TAF1: variants seen among roughly 807,000 people sequenced by gnomAD.
The protein encoded by TAF1 is transcription initiation factor TFIID subunit 1.
Under a neutral mutation model 138.5 loss-of-function variants are expected in TAF1, and 2 were observed. The observed-to-expected ratio is 0.01, with a 90% CI of 0.01 to 0.05. TAF1 has a LOEUF of 0.05. TAF1 is among the 10% of genes least tolerant of loss of function. TAF1 has a pLI of 1.00. For missense variants in TAF1, 709 were observed against 1,478.0 expected (o/e 0.48, Z 8.53); for synonymous variants, 437 against 503.2 (o/e 0.87, Z 1.76).
chrX:71,402,564 C>T (rs1009702657), intron 25 of TAF1, among the ~76,000 whole-genome samples: 2 of 112,155 alleles, frequency 1.8e-5, no homozygotes, highest in Admixed American at 1.9e-4. Context: ...AAAGGACCAT[C>T]CCAAAAGATG....
chrX:71,469,368 CT>C (rs773604575), downstream of TAF1, among the ~76,000 whole-genome samples: 425 of 111,242 alleles, frequency 3.8e-3, 5 homozygotes, highest in Middle Eastern at 9.2e-3. Flanking sequence ...AGTATGACCA[CT>C]TTTTTTGTTA....
Position 71,392,675 on chromosome X carries a change from G to C in TAF1, c.2888G>C (p.Gly963Ala). ...GVADPTGCGE[G>A]FSYVKIPNKP... ...GCAGATCCCACGGGGTGTGGTGAAG[G>C]ATTCTCCTATGTGAAGATTCCAAAC... is the stretch of plus-strand genomic sequence containing the variant. Residue 963 changes from glycine (G) to alanine (A), a missense_variant, in exon 19 of 38, where the codon GGA becomes GCA. By Grantham distance (60) the Gly-to-Ala change is moderately conservative. Coordinates refer to ENST00000423759, the MANE Select transcript of TAF1 (RefSeq NM_004606.5). 8.3e-7 allele frequency: 1 copy of C among 1,207,830 alleles called. No individual in the cohort carries two copies. Among genetic ancestry groups the C allele is most frequent in the African/African-American group, 1.7e-5 (1 of 57,613 alleles).
intron 13 of TAF1, among the ~76,000 whole-genome samples, chrX:71,517,509 C>T (rs2039845719): frequency 9.0e-6 from 1 of 111,473 alleles, no homozygotes; most frequent in Non-Finnish European, 1.9e-5. Flanking sequence ...AAAAACAAAA[C>T]AAGACAAGGA....
intron 28 of TAF1, 35 bp downstream of exon 28, chrX:71,408,186 C>T (rs1305262615): frequency 8.3e-7 from 1 of 1,198,287 alleles, no homozygotes; most frequent in Non-Finnish European, 1.1e-6. Context: ...GCAAAGGTCA[C>T]TGTTCAGATC....
intron 33 of TAF1, 108 bp from the exon 34 acceptor site, chrX:71,454,633 C>A: frequency 3.2e-6 from 2 of 633,379 alleles, no homozygotes; most frequent in Non-Finnish European, 4.8e-6. Flanking sequence ...TGTGTCCTGC[C>A]ACTAGAATAT....
At chrX:71,459,740 T>C (rs1602751208) in intron 36 of TAF1, 32 bp downstream of exon 36, 1 of 1,206,083 alleles carries the variant, frequency 8.3e-7, no homozygotes. Context: ...TATTCCTTTA[T>C]AACTCACTAC....
chrX:71,508,452 A>G (rs969538669), intron 13 of TAF1, among the ~76,000 whole-genome samples: 15 of 106,925 alleles, frequency 1.4e-4, no homozygotes, highest in African/African-American at 4.8e-4. Context: ...TGATAATAAC[A>G]AAATTAGCTT....
chrX:71,458,063 A>G (rs1487407163), intron 34 of TAF1, among the ~76,000 whole-genome samples, 178 bp from the exon 35 acceptor site: 1 of 112,866 alleles, frequency 8.9e-6, no homozygotes, highest in Non-Finnish European at 1.9e-5. Flanking sequence ...GTCTACTAGA[A>G]TAGGCAACAT....
At chrX:71,417,806 T>C (rs1429193747) in intron 28 of TAF1, among the ~76,000 whole-genome samples, 3 of 111,827 alleles carry the variant, frequency 2.7e-5, no homozygotes, top group African/African-American at 9.7e-5. Context: ...CATCTGTATC[T>C]CATATGCAGC....
At chrX:71,453,054 A>ACGG (rs1569365305) in intron 32 of TAF1, among the ~76,000 whole-genome samples, 1 of 110,507 alleles carries the variant, frequency 9.0e-6, no homozygotes, top group Non-Finnish European at 1.9e-5. Context: ...GACCGTGGAA[A>ACGG]GAGAGGGAGA....
At position 71,366,380 on chromosome X, in the gene TAF1, A is replaced by G; in HGVS notation, c.6A>G (p.Ser2=). The change falls in exon 1 of 38, where the codon TCA becomes TCG. Residue 2 remains serine, a synonymous_variant. Coordinates refer to ENST00000423759, the MANE Select transcript of TAF1 (RefSeq NM_004606.5). The part of the protein sequence containing the change: M[S]DTDSDEDSAG... ...CCATCACTGCTGCCGCCATCATGTC[A>G]GACACGGACAGCGACGAAGATTCCG... 8.3e-7 allele frequency: 1 copy of G among 1,210,742 alleles called. No homozygotes were observed. Among genetic ancestry groups the G allele is most frequent in the Non-Finnish European group, 1.1e-6 (1 of 895,322 alleles).
chrX:71,467,086 CTTTTTTT>C (rs756449044), downstream of TAF1, among the ~76,000 whole-genome samples: 1 of 65,316 alleles, frequency 1.5e-5, no homozygotes, highest in African/African-American at 5.7e-5. Flanking sequence ...GGAGGGCATT[CTTTTTTT>C]TTTTTTTTTT....
intron 8 of TAF1, among the ~76,000 whole-genome samples, chrX:71,380,490 T>A (rs1212669192): frequency 9.0e-6 from 1 of 111,163 alleles, no homozygotes; most frequent in African/African-American, 3.3e-5. Flanking sequence ...GCTGGACTCC[T>A]GGGCTCAGGT....
At chrX:71,457,748 C>T (rs2038370132) in intron 34 of TAF1, among the ~76,000 whole-genome samples, 1 of 112,250 alleles carries the variant, frequency 8.9e-6, no homozygotes, top group African/African-American at 3.2e-5. Context: ...AAACCCAGGA[C>T]ATTTTACTCC....
intron 32 of TAF1, among the ~76,000 whole-genome samples, chrX:71,429,353 A>G (rs1238744014): frequency 9.0e-6 from 1 of 111,302 alleles, no homozygotes; most frequent in African/African-American, 3.3e-5. Flanking sequence ...AATGATGATG[A>G]TAATAACTAC....
chrX:71,431,715 G>A (rs1325285639), intron 32 of TAF1, among the ~76,000 whole-genome samples: 1 of 110,526 alleles, frequency 9.0e-6, no homozygotes, highest in Non-Finnish European at 1.9e-5. Flanking sequence ...AAGAGATCGA[G>A]ACCATCCTGG....
chrX:71,450,731 A>G (rs910874044), intron 32 of TAF1, among the ~76,000 whole-genome samples: 5 of 112,375 alleles, frequency 4.4e-5, no homozygotes, highest in African/African-American at 1.3e-4. Context: ...TATCTCACTC[A>G]TTTCTATCAT....
intron 35 of TAF1, among the ~76,000 whole-genome samples, chrX:71,458,915 A>G (rs911390399): frequency 1.8e-5 from 2 of 111,124 alleles, no homozygotes; most frequent in Non-Finnish European, 3.8e-5. Context: ...TCTCTTTGTA[A>G]TAATACAGTA....
intron 37 of TAF1, among the ~76,000 whole-genome samples, chrX:71,462,700 A>G (rs978596420): frequency 8.0e-5 from 9 of 112,221 alleles, no homozygotes; most frequent in African/African-American, 2.6e-4. Flanking sequence ...GTGTTTGGAA[A>G]GGCTATGAGG....
Sources: gnomAD v4.1 joint callset for allele counts (sites outside exome capture counted in the v4.1 genomes callset) on GRCh38, gnomAD v4.1.1 for gene constraint, MANE v1.5 for transcripts, NCBI Gene and HGNC (gene_info 2026-07-23, HGNC 2026-07-21) for gene names.